KIT: variants seen among roughly 807,000 people sequenced by gnomAD.
KIT encodes KIT proto-oncogene, receptor tyrosine kinase.
KIT carries 16 observed loss-of-function variants against 105.7 expected under a neutral mutation model. The ratio of observed to expected loss-of-function variants is 0.15; its 90% CI spans 0.10 to 0.23. KIT has a LOEUF of 0.23. Among genes scored for constraint, KIT ranks in the 10% least tolerant of loss-of-function variants. KIT has a pLI of 1.00. For missense variants in KIT, 858 were observed against 1,213.8 expected (o/e 0.71, Z 4.36); for synonymous variants, 438 against 441.1 (o/e 0.99, Z 0.09).
intron 4 of KIT, among the ~76,000 whole-genome samples, chr4:54,702,430 A>G (rs543485713): frequency 2.0e-5 from 3 of 152,116 alleles, no homozygotes; most frequent in Non-Finnish European, 2.9e-5. Flanking sequence ...TTTTATATTT[A>G]CAACACAACT....
chr4:54,686,635 C>G (rs1196558750), intron 1 of KIT, among the ~76,000 whole-genome samples: 1 of 152,198 alleles, frequency 6.6e-6, no homozygotes, highest in Non-Finnish European at 1.5e-5. Flanking sequence ...GCCTCGACCT[C>G]TTGGGCTTAG....
chr4:54,728,381 A>G (rs1314615347), intron 13 of KIT, among the ~76,000 whole-genome samples: 1 of 152,142 alleles, frequency 6.6e-6, no homozygotes, highest in Non-Finnish European at 1.5e-5. Context: ...CCTCTTGAAT[A>G]TCTCATCCCG....
chr4:54,696,483 G>A (rs953082505), intron 2 of KIT, among the ~76,000 whole-genome samples: 3 of 152,154 alleles, frequency 2.0e-5, no homozygotes, highest in Admixed American at 6.5e-5. Flanking sequence ...TCCAAGTGAC[G>A]GGAGGAGAAA....
At chr4:54,690,069 G>GGGT (rs1553886423) in intron 1 of KIT, among the ~76,000 whole-genome samples, 7 of 144,626 alleles carry the variant, frequency 4.8e-5, no homozygotes, top group East Asian at 2.0e-4. Context: ...GGGGGGGGGG[G>GGGT]GCTGTGTAAT....
Position 54,739,082 on chromosome 4 carries a change from A to G in KIT, c.*525A>G, listed in dbSNP as rs1723101787. On this transcript the variant is annotated 3_prime_UTR_variant, in exon 21 of 21. Coordinates refer to ENST00000288135, the MANE Select transcript of KIT (RefSeq NM_000222.3). ...TCATGCTGGGAATGAGACATAGGCC[A>G]TGAAAAAAATGATCCCCAAGTGTGA... is the stretch of plus-strand genomic sequence containing the variant. 2 of 402,402 alleles carry G rather than the reference A, an allele frequency of 5.0e-6. No homozygotes were observed. The highest frequency in any genetic ancestry group is 4.0e-5 in the Admixed American group (1 of 25,080). 24.9% of individuals were successfully genotyped at this position (402,402 alleles called of 1,614,324 possible).
At chr4:54,692,614 G>C (rs190616223) in intron 1 of KIT, among the ~76,000 whole-genome samples, 1 of 152,118 alleles carries the variant, frequency 6.6e-6, no homozygotes, top group South Asian at 2.1e-4. Flanking sequence ...CATTCATTGG[G>C]AACTGTTCTT....
chr4:54,722,305 T>C (rs1721929249), intron 7 of KIT, among the ~76,000 whole-genome samples: 1 of 152,156 alleles, frequency 6.6e-6, no homozygotes, highest in African/African-American at 2.4e-5. Flanking sequence ...TAATAATAAA[T>C]AATTGTTTCA....
chr4:54,662,817 C>T (rs1717380126), intron 1 of KIT, among the ~76,000 whole-genome samples: 1 of 152,146 alleles, frequency 6.6e-6, no homozygotes, highest in Non-Finnish European at 1.5e-5. Flanking sequence ...AGGTGATCTA[C>T]CTGCCTCGGC....
chr4:54,722,370 A>G (rs2298976), intron 7 of KIT, among the ~76,000 whole-genome samples: 16,717 of 152,160 alleles, frequency 0.11, 1,051 homozygotes, highest in African/African-American at 0.16. Context: ...AATTGTCTCA[A>G]TATCCCTATG....
chr4:54,687,451 A>T (rs576288751), intron 1 of KIT, among the ~76,000 whole-genome samples: 1 of 152,234 alleles, frequency 6.6e-6, no homozygotes, highest in South Asian at 2.1e-4. Flanking sequence ...CAAAAAAAAA[A>T]TAAAAAAAAG....
chr4:54,669,593 G>A (rs115927960), intron 1 of KIT, among the ~76,000 whole-genome samples: 41 of 152,132 alleles, frequency 2.7e-4, no homozygotes, highest in African/African-American at 9.2e-4. Context: ...TTGAAGCATC[G>A]GAGGTGTAGT....
chr4:54,677,044 T>C (rs919197284), intron 1 of KIT, among the ~76,000 whole-genome samples: 2 of 152,154 alleles, frequency 1.3e-5, no homozygotes, highest in African/African-American at 4.8e-5. Flanking sequence ...ATTGCTGATG[T>C]GGAGTTAAAT....
At chr4:54,697,340 A>T (rs1400377284) in intron 2 of KIT, among the ~76,000 whole-genome samples, 1 of 152,246 alleles carries the variant, frequency 6.6e-6, no homozygotes, top group Admixed American at 6.5e-5. Context: ...CATTTTGTGA[A>T]ACACCTGAGT....
At chr4:54,660,776 T>C (rs1717201825) in intron 1 of KIT, among the ~76,000 whole-genome samples, 1 of 152,182 alleles carries the variant, frequency 6.6e-6, no homozygotes. Flanking sequence ...TGAGATTGGC[T>C]GCATGTGCCC....
chr4:54,725,646 C>G (rs1159624822), intron 8 of KIT, among the ~76,000 whole-genome samples: 1 of 152,196 alleles, frequency 6.6e-6, no homozygotes, highest in African/African-American at 2.4e-5. Context: ...AAACCCGCAT[C>G]TGACTCCGAA....
rs1443289040 is a variant in KIT, at chr4:54,738,773, C to T, written c.*216C>T. On this transcript the variant is annotated 3_prime_UTR_variant, in exon 21 of 21. Coordinates refer to ENST00000288135, the MANE Select transcript of KIT (RefSeq NM_000222.3). The stretch of plus-strand genomic sequence containing the variant: ...CAACTGTATATATTCCCAATAGCAA[C>T]GTAGCTTCTACCATGAACAGAAAAC... 4.7e-6 allele frequency: 3 copies of T among 634,056 alleles called. No individual in the cohort carries two copies. The highest frequency in any genetic ancestry group is 3.6e-5 in the African/African-American group (2 of 54,992). 39.3% of individuals were successfully genotyped at this position (634,056 alleles called of 1,614,324 possible). A position where few individuals can be genotyped will look rare whatever the true frequency, so the allele number is the denominator to read the frequency against.
intron 1 of KIT, among the ~76,000 whole-genome samples, chr4:54,683,285 G>A (rs1333979507): frequency 6.6e-6 from 1 of 152,206 alleles, no homozygotes; most frequent in East Asian, 1.9e-4. Flanking sequence ...GAACTGCTAT[G>A]TCTCTACCAG....
At chr4:54,719,115 A>G (rs1456701412) in intron 7 of KIT, among the ~76,000 whole-genome samples, 2 of 152,126 alleles carry the variant, frequency 1.3e-5, no homozygotes, top group Non-Finnish European at 2.9e-5. Context: ...TTAGTCTTTT[A>G]TTATTTGGAG....
intron 1 of KIT, among the ~76,000 whole-genome samples, chr4:54,672,525 C>G (rs1166234110): frequency 6.6e-6 from 1 of 152,056 alleles, no homozygotes; most frequent in African/African-American, 2.4e-5. Context: ...TTTAAATTAG[C>G]CAGCGTTTGT....
Sources: allele counts gnomAD v4.1 joint callset (sites outside exome capture counted in the v4.1 genomes callset), GRCh38; gene constraint gnomAD v4.1.1; transcripts MANE v1.5; gene names NCBI Gene and HGNC (gene_info 2026-07-23, HGNC 2026-07-21).